TIMM9: variants seen among roughly 807,000 people sequenced by gnomAD.
The protein encoded by TIMM9 is mitochondrial import inner membrane translocase subunit Tim9.
A neutral mutation model predicts 13.4 loss-of-function variants in TIMM9; 10 were observed. The observed-to-expected ratio is 0.75, with a 90% CI of 0.46 to 1.26. The LOEUF (loss-of-function observed/expected upper bound fraction) is 1.26, where lower values mean the gene tolerates loss of function less well. Among genes scored for constraint, TIMM9 ranks in the 50% most tolerant of loss-of-function variants. The pLI, the probability that TIMM9 is intolerant of heterozygous loss-of-function variation, is 0.00. For synonymous variants in TIMM9, 32 were observed against 32.1 expected (o/e 1.00, Z 0.01); for missense variants, 87 against 100.8 (o/e 0.86, Z 0.58).
chr14:58,419,052 T>G (rs989964944), intron 3 of TIMM9, among the ~76,000 whole-genome samples: 1 of 152,126 alleles, frequency 6.6e-6, no homozygotes, highest in Non-Finnish European at 1.5e-5. Flanking sequence ...GTCTACCTGA[T>G]TTCAAGACAT....
chr14:58,418,012 G>A (rs1439033632), intron 3 of TIMM9, among the ~76,000 whole-genome samples: 1 of 151,810 alleles, frequency 6.6e-6, no homozygotes, highest in East Asian at 1.9e-4. Context: ...ACCAGGCAAA[G>A]ACAGTACAAA....
chr14:58,416,672 A>T (rs1433373723), intron 3 of TIMM9, among the ~76,000 whole-genome samples: 1 of 152,170 alleles, frequency 6.6e-6, no homozygotes, highest in Non-Finnish European at 1.5e-5. Flanking sequence ...AAATTATAAA[A>T]CCATCTATTG....
intron 3 of TIMM9, among the ~76,000 whole-genome samples, chr14:58,423,525 A>G (rs1180378206): frequency 4.6e-5 from 7 of 151,600 alleles, no homozygotes; most frequent in Admixed American, 4.6e-4. Context: ...AAAAAAAAAA[A>G]AAAAAAAAAA....
At chr14:58,412,382 C>T (rs373687781) in intron 3 of TIMM9, among the ~76,000 whole-genome samples, 23 of 152,296 alleles carry the variant, frequency 1.5e-4, no homozygotes, top group African/African-American at 5.1e-4. Flanking sequence ...CCTCATGATC[C>T]GCCTGCCTCG....
intron 5 of TIMM9, among the ~76,000 whole-genome samples, chr14:58,410,263 C>T (rs1176077600): frequency 1.3e-5 from 2 of 151,888 alleles, no homozygotes; most frequent in African/African-American, 2.4e-5. Context: ...TTTGTAAAGA[C>T]AGGGTTTCAC....
chr14:58,412,832 T>C (rs1490846783), intron 3 of TIMM9, among the ~76,000 whole-genome samples: 1 of 151,988 alleles, frequency 6.6e-6, no homozygotes, highest in African/African-American at 2.4e-5. Context: ...ACTCAGGACG[T>C]TGAGGTTACA....
intron 2 of TIMM9, among the ~76,000 whole-genome samples, chr14:58,424,939 G>C (rs564778547): frequency 6.6e-6 from 1 of 152,250 alleles, no homozygotes; most frequent in African/African-American, 2.4e-5. Context: ...GGTATTTCTT[G>C]GTGGGATGCA....
chr14:58,410,635 T>G (rs962464904), intron 5 of TIMM9, among the ~76,000 whole-genome samples: 1 of 152,260 alleles, frequency 6.6e-6, no homozygotes, highest in Admixed American at 6.5e-5. Flanking sequence ...TAAAATGGTC[T>G]GACTTGGTAC....
chr14:58,413,420 T>TTGA (rs1218268704), intron 3 of TIMM9, among the ~76,000 whole-genome samples: 1 of 152,184 alleles, frequency 6.6e-6, no homozygotes, highest in African/African-American at 2.4e-5. Context: ...TCATGAAGGA[T>TTGA]ATTCAGAGTT....
chr14:58,420,973 T>C (rs1237339508), intron 3 of TIMM9, among the ~76,000 whole-genome samples: 1 of 152,154 alleles, frequency 6.6e-6, no homozygotes, highest in Non-Finnish European at 1.5e-5. Context: ...AAAGAAGTTA[T>C]ACATTCATCT....
At chr14:58,412,537 G>T (rs1433710750) in intron 3 of TIMM9, among the ~76,000 whole-genome samples, 4 of 152,132 alleles carry the variant, frequency 2.6e-5, no homozygotes, top group African/African-American at 9.7e-5. Context: ...TTGCTAAGCT[G>T]CTTGTTTAAA....
chr14:58,417,716 A>C (rs1211215560), intron 3 of TIMM9, among the ~76,000 whole-genome samples: 1 of 151,972 alleles, frequency 6.6e-6, no homozygotes, highest in Non-Finnish European at 1.5e-5. Context: ...CTCCTACCTC[A>C]AGCACCTAAA....
At position 58,424,858 on chromosome 14, in the gene TIMM9, C is replaced by A. The variant is rs11847737; in HGVS notation, c.-114-763G>T. On this transcript the variant is annotated intron_variant, in intron 2 of 5. Coordinates refer to ENST00000395159, the MANE Select transcript of TIMM9 (RefSeq NM_012460.4). ...CTCTTGCCTGGGTGACAGAAAGAGA[C>A]CCTGTCTCAAAGAAAAAACGTATAA... Among the ~76,000 whole-genome samples the A allele has an allele frequency of 9.9e-3, 1,505 of 152,024 alleles. 27 individuals are homozygous for A. Among genetic ancestry groups the A allele is most frequent in the African/African-American group, 0.035 (1,453 of 41,468 alleles).
At chr14:58,421,114 T>C (rs908989048) in intron 3 of TIMM9, among the ~76,000 whole-genome samples, 4 of 152,218 alleles carry the variant, frequency 2.6e-5, no homozygotes, top group Admixed American at 6.5e-5. Context: ...AAAACCCAAA[T>C]GTTCTTCAGT....
In TIMM9 at chr14:58,409,103, A is replaced by C. The variant is rs2036124565; in HGVS notation, c.201T>G (p.Phe67Leu). ...CATTCTGCTGAATATGATATTCCTG[A>C]AATCTCATGGATATTCTTTGTGTCA... ...LKMTQRISMR[F>L]QEYHIQQNEA... is the part of the protein sequence containing the mutation. Residue 67 changes from phenylalanine (F) to leucine (L), a missense_variant, in exon 6 of 6, where the codon TTT (phenylalanine) becomes TTG (leucine). By Grantham distance (22) the Phe-to-Leu change is conservative. Coordinates refer to ENST00000395159, the MANE Select transcript of TIMM9 (RefSeq NM_012460.4). 1.9e-6 allele frequency: 3 copies of C among 1,614,014 alleles called. No homozygotes were observed. The highest frequency in any genetic ancestry group is 2.5e-6 in the Non-Finnish European group (3 of 1,179,942).
intron 2 of TIMM9, among the ~76,000 whole-genome samples, chr14:58,426,299 G>C (rs1416565552): frequency 6.6e-6 from 1 of 151,062 alleles, no homozygotes; most frequent in Non-Finnish European, 1.5e-5. Context: ...TCCACCTGCC[G>C]GGTTCAAGCA....
chr14:58,427,434 C>T lies in TIMM9; in HGVS notation c.-346G>A, dbSNP rs2036908566. ...ACGGTCTTCGGAAGCGAAGCAGTGTCAACAGTCCCTGGTAAACACAAGTAG... is the reference window on the plus strand; with the variant it reads ...ACGGTCTTCGGAAGCGAAGCAGTGTTAACAGTCCCTGGTAAACACAAGTAG... On this transcript the variant is annotated 5_prime_UTR_variant, in exon 1 of 6. Coordinates refer to ENST00000395159, the MANE Select transcript of TIMM9 (RefSeq NM_012460.4). The T allele has an allele frequency of 1.5e-6, 1 of 667,858 alleles. No individual in the cohort carries two copies. Among genetic ancestry groups the T allele is most frequent in the Admixed American group, 2.8e-5 (1 of 35,212 alleles). 41.4% of individuals were successfully genotyped at this position (667,858 alleles called of 1,614,324 possible).
In TIMM9 at chr14:58,416,316, T is replaced by C. The variant is rs561784360; in HGVS notation, c.-26-4345A>G. On this transcript the variant is annotated intron_variant, in intron 3 of 5. Transcript: ENST00000395159. ...CAAGTGAAAAACTATATCTTGCCTG[T>C]AGGGGTAAAACCATTAGGATGAAAG... Among the ~76,000 whole-genome samples, 18 of 152,258 alleles carry C rather than the reference T, an allele frequency of 1.2e-4. 1 individual carries two copies. The highest frequency in any genetic ancestry group is 4.1e-4 in the African/African-American group (17 of 41,566).
chr14:58,422,360 C>T (rs1281176759), intron 3 of TIMM9, among the ~76,000 whole-genome samples: 1 of 152,176 alleles, frequency 6.6e-6, no homozygotes, highest in African/African-American at 2.4e-5. Flanking sequence ...AGGTGATCCT[C>T]CTGCCTCGGC....
Sources: gnomAD v4.1 joint callset for allele counts (sites outside exome capture counted in the v4.1 genomes callset) on GRCh38, gnomAD v4.1.1 for gene constraint, MANE v1.5 for transcripts, NCBI Gene and HGNC (gene_info 2026-07-23, HGNC 2026-07-21) for gene names.